The following NUP205 variants were observed in gnomAD, a reference collection of about 807,000 sequenced individuals.
The protein encoded by NUP205 is nucleoporin 205, also known as nuclear pore complex protein Nup205.
NUP205 carries 76 observed loss-of-function variants against 253.8 expected under a neutral mutation model. That is an observed-to-expected ratio of 0.30 (90% confidence interval 0.25 to 0.36). The LOEUF (loss-of-function observed/expected upper bound fraction) is 0.36, where lower values mean the gene tolerates loss of function less well. Ranked by LOEUF, NUP205 falls within the 10% of genes least tolerant of loss-of-function variation. The probability of loss-of-function intolerance (pLI) is 1.00; values close to 1 mark genes in which losing one functional copy is unlikely to be tolerated. For missense variants in NUP205, 2,162 were observed against 2,425.5 expected, an observed-to-expected ratio of 0.89 and a Z score of 2.28; for synonymous variants, 832 against 850.1, an observed-to-expected ratio of 0.98 and a Z score of 0.37.
chr7:135,579,865 C>T (rs1012190873), intron 7 of NUP205, among the ~76,000 whole-genome samples: 6 of 152,182 alleles, frequency 3.9e-5, no homozygotes, highest in South Asian at 4.1e-4. Flanking sequence ...GGGCTGGTCT[C>T]GAACTCCTGA....
In NUP205 at chr7:135,584,936, T is replaced by C. The variant is rs1483179826; in HGVS notation, c.1147T>C (p.Tyr383His). Residue 383 changes from tyrosine to histidine, a missense_variant, in exon 8 of 43, where the codon TAT becomes CAT. Tyr to His is a moderately conservative substitution (Grantham distance 83, BLOSUM62 2). This residue lies in a region of NUP205 where 892 missense variants were observed against 957.1 expected (regional missense o/e 0.93). Transcript: ENST00000285968. ...MESVVVSEYF[Y>H]QEEFYIRRVH... is the part of the protein sequence containing the mutation. ...ATCTGTAGTGGTATCAGAATACTTT[T>C]ATCAGGAAGAATTTTATATTCGCAG... 1.2e-6 allele frequency: 2 copies of C among 1,613,810 alleles called. No homozygotes were observed. Among genetic ancestry groups the C allele is most frequent in the Non-Finnish European group, 8.5e-7 (1 of 1,179,810 alleles).
intron 10 of NUP205, among the ~76,000 whole-genome samples, chr7:135,590,383 C>T (rs917356185): frequency 7.1e-6 from 1 of 141,564 alleles, no homozygotes; most frequent in Admixed American, 7.0e-5. Flanking sequence ...CAAAGTGCTG[C>T]GATTACAGGC....
chr7:135,588,028 A>G (rs746232725), intron 10 of NUP205, 36 bp downstream of exon 10: 2 of 1,568,072 alleles, frequency 1.3e-6, no homozygotes, highest in African/African-American at 1.4e-5. Flanking sequence ...ATACTCTGGT[A>G]CTGTGATAGA....
intron 35 of NUP205, among the ~76,000 whole-genome samples, chr7:135,631,812 C>G (rs1396701632): frequency 2.0e-5 from 3 of 150,086 alleles, no homozygotes; most frequent in Admixed American, 1.3e-4. Context: ...TGCAGTGGCG[C>G]GATCTCGGCT....
chr7:135,630,529 T>C lies in NUP205; in HGVS notation c.5059+59T>C, dbSNP rs552987552. 165 of 1,485,666 alleles carry C rather than the reference T, an allele frequency of 1.1e-4. 4 individuals carry two copies. The Middle Eastern group carries it at 0.013, about 113-fold the overall frequency. 92.0% of individuals were successfully genotyped at this position (1,485,666 alleles called of 1,614,324 possible). On this transcript the variant is annotated intron_variant, in intron 35 of 42. Coordinates refer to ENST00000285968, the MANE Select transcript of NUP205 (RefSeq NM_015135.3). ...TTCTTTAAAGACTGACATAAATTAATAGAATGAGTTTTTTTGTTACTTTGC... is the reference window on the plus strand; with the variant it reads ...TTCTTTAAAGACTGACATAAATTAACAGAATGAGTTTTTTTGTTACTTTGC...
At chr7:135,568,261 C>G (rs1805840965) in intron 1 of NUP205, among the ~76,000 whole-genome samples, 1 of 151,488 alleles carries the variant, frequency 6.6e-6, no homozygotes, top group Non-Finnish European at 1.5e-5. Context: ...TTAGTGGGCC[C>G]CTCACCAAAA....
chr7:135,605,427 C>T (rs1379613673), intron 19 of NUP205, among the ~76,000 whole-genome samples: 2 of 152,210 alleles, frequency 1.3e-5, no homozygotes, highest in Non-Finnish European at 2.9e-5. Flanking sequence ...TAGTCCCTCA[C>T]ATCTAGTACC....
intron 1 of NUP205, among the ~76,000 whole-genome samples, chr7:135,560,046 G>A (rs71539411): frequency 0.22 from 33,764 of 152,032 alleles, 4,337 homozygotes; most frequent in East Asian, 0.5. Context: ...TTGTAGTAGA[G>A]AAGGGGTTTC....
At chr7:135,575,535 A>C (rs1046444542) in intron 3 of NUP205, among the ~76,000 whole-genome samples, 3 of 152,174 alleles carry the variant, frequency 2.0e-5, no homozygotes, top group African/African-American at 7.2e-5. Flanking sequence ...GGTGGCTCAC[A>C]CCTGTAATCC....
chr7:135,569,216 G>A (rs1805874834), intron 1 of NUP205, among the ~76,000 whole-genome samples: 2 of 152,048 alleles, frequency 1.3e-5, no homozygotes, highest in South Asian at 2.1e-4. Flanking sequence ...GATTACAGGC[G>A]CGTGCCACCA....
At chr7:135,614,062 G>A in intron 22 of NUP205, 97 bp from the exon 23 acceptor site, 1 of 649,356 alleles carries the variant, frequency 1.5e-6, no homozygotes, top group South Asian at 2.0e-5. Context: ...ATGGGTCCTA[G>A]TTTTTCACTT....
chr7:135,617,590 C>T lies in NUP205; in HGVS notation c.3691-12C>T. 2 of 1,604,484 alleles carry T rather than the reference C, an allele frequency of 1.2e-6. No individual in the cohort carries two copies. Among genetic ancestry groups the T allele is most frequent in the Non-Finnish European group, 1.7e-6 (2 of 1,172,162 alleles). ...AAATGTCTTATTTTTCTTTCTTTTC[C>T]TAATTATCCAGCTTCTTCATAGGGT... On this transcript the variant is annotated splice_polypyrimidine_tract_variant and intron_variant, in intron 26 of 42. Coordinates refer to ENST00000285968, the MANE Select transcript of NUP205 (RefSeq NM_015135.3).
intron 38 of NUP205, among the ~76,000 whole-genome samples, chr7:135,642,663 T>G (rs1021934398): frequency 2.0e-5 from 3 of 152,250 alleles, no homozygotes; most frequent in Non-Finnish European, 4.4e-5. Flanking sequence ...TTATATTTTT[T>G]GAATATTTCA....
At chr7:135,570,029 TTATATATATA>T (rs145414092) in intron 1 of NUP205, among the ~76,000 whole-genome samples, 13 of 98,590 alleles carry the variant, frequency 1.3e-4, no homozygotes, top group African/African-American at 3.5e-4. Context: ...TGTTTATGTT[TTATATATATA>T]TATATATATA....
chr7:135,602,346 G>A (rs1400031735), intron 17 of NUP205, among the ~76,000 whole-genome samples: 11 of 152,084 alleles, frequency 7.2e-5, no homozygotes, highest in African/African-American at 2.4e-4. Context: ...TCTCAATTTT[G>A]GCACCATTGA....
In NUP205 at chr7:135,628,051, C is replaced by T. The variant is rs772963798; in HGVS notation, c.4872C>T (p.Leu1624=). 6.2e-7 allele frequency: 1 copy of T among 1,611,106 alleles called. No individual in the cohort carries two copies. The highest frequency in any genetic ancestry group is 1.1e-5 in the South Asian group (1 of 90,812). The part of the protein sequence containing the change: ...DRYRQILLPA[L]QLCQVILTSS... ...ACCGCCAGATTCTCCTCCCAGCTCTCCAGCTGTGCCAGGTCATCCTCACAT... is the reference window on the plus strand; with the variant it reads ...ACCGCCAGATTCTCCTCCCAGCTCTTCAGCTGTGCCAGGTCATCCTCACAT... Residue 1624 remains leucine, a synonymous_variant, in exon 34 of 43, where the codon CTC becomes CTT. Transcript: ENST00000285968.
At chr7:135,574,974 C>T (rs923578621) in intron 3 of NUP205, among the ~76,000 whole-genome samples, 8 of 152,152 alleles carry the variant, frequency 5.3e-5, no homozygotes, top group African/African-American at 1.9e-4. Context: ...GGGATGTTCA[C>T]TAGACATGCT....
At chr7:135,641,777 G>T (rs1167430861) in intron 38 of NUP205, among the ~76,000 whole-genome samples, 1 of 141,094 alleles carries the variant, frequency 7.1e-6, no homozygotes, top group Non-Finnish European at 1.6e-5. Context: ...TCCAGCCTGG[G>T]TGACAAAGTA....
Position 135,646,240 on chromosome 7 carries a change from C to T in NUP205, c.5886+9C>T. The T allele has an allele frequency of 1.3e-6, 2 of 1,583,740 alleles. No individual in the cohort carries two copies. The highest frequency in any genetic ancestry group is 1.7e-6 in the Non-Finnish European group (2 of 1,152,486). On this transcript the variant is annotated intron_variant, in intron 42 of 42. Coordinates refer to ENST00000285968, the MANE Select transcript of NUP205 (RefSeq NM_015135.3). ...AACATGATTTAGACCAGGTAAGGTT[C>T]TATTCTCATATTCTTTTATTTTTCT...
Sources: allele counts gnomAD v4.1 joint callset (sites outside exome capture counted in the v4.1 genomes callset), GRCh38; gene constraint gnomAD v4.1.1; regional missense constraint gnomAD v4.1.1; transcripts MANE v1.5; gene names NCBI Gene and HGNC (gene_info 2026-07-23, HGNC 2026-07-21).